The following DNAJC5B variants were observed in gnomAD, a reference collection of about 807,000 sequenced individuals.
The protein encoded by DNAJC5B is DnaJ heat shock protein family (Hsp40) member C5 beta, also known as dnaJ homolog subfamily C member 5B.
A neutral mutation model predicts 24.7 loss-of-function variants in DNAJC5B; 23 were observed. The observed-to-expected ratio is 0.93, with a 90% CI of 0.67 to 1.32. The LOEUF is 1.32. DNAJC5B is among the 40% of genes most tolerant of loss of function. The probability of loss-of-function intolerance (pLI) is 0.00; values close to 1 mark genes in which losing one functional copy is unlikely to be tolerated. For synonymous variants in DNAJC5B, 101 were observed against 90.1 expected (o/e 1.12, Z -0.68); for missense variants, 238 against 240.8 (o/e 0.99, Z 0.08).
rs1028480391 is a variant in DNAJC5B at position 66,040,003 on chromosome 8, A to C, written c.-141-3485A>C. Among the ~76,000 whole-genome samples, 3 of 152,224 alleles carry C rather than the reference A, an allele frequency of 2.0e-5. No homozygotes were observed. In the East Asian group the frequency reaches 5.8e-4, roughly 29 times the overall value. ...AAACGTTCTTAGTATAATTCTTGGC[A>C]CATCGTAGTAGACATTTCATAAAAG... On this transcript the variant is annotated intron_variant, in intron 1 of 5. Coordinates refer to ENST00000276570, the MANE Select transcript of DNAJC5B (RefSeq NM_033105.6).
upstream of DNAJC5B, among the ~76,000 whole-genome samples, chr8:66,019,871 G>A (rs1806064565): frequency 6.6e-6 from 1 of 152,196 alleles, no homozygotes; most frequent in Admixed American, 6.5e-5. Context: ...TCTCTTAGGA[G>A]AATTCACAGA....
At chr8:66,034,631 C>T (rs1235686804) in intron 1 of DNAJC5B, among the ~76,000 whole-genome samples, 1 of 151,428 alleles carries the variant, frequency 6.6e-6, no homozygotes, top group African/African-American at 2.4e-5. Flanking sequence ...GGAGGGCATC[C>T]AAGATCTGAC....
chr8:66,020,238 AATT>A (rs1423132182), upstream of DNAJC5B, among the ~76,000 whole-genome samples: 2 of 152,220 alleles, frequency 1.3e-5, no homozygotes, highest in African/African-American at 4.8e-5. Context: ...TCATCCAGAA[AATT>A]ATACTGAAAA....
chr8:66,076,794 C>T lies in DNAJC5B; in HGVS notation c.254C>T (p.Ser85Leu). 6.2e-7 allele frequency: 1 copy of T among 1,614,194 alleles called. No homozygotes were observed. The highest frequency in any genetic ancestry group is 8.5e-7 in the Non-Finnish European group (1 of 1,180,026). ...AGAAGCATATACGACAAGTACGGAT[C>T]GCTGGGACTCTACGTGGCCGAGCAG... is the stretch of plus-strand genomic sequence containing the variant. Reference protein sequence around the residue: ...SKRSIYDKYGSLGLYVAEQFG... With the variant: ...SKRSIYDKYGLLGLYVAEQFG... Residue 85 changes from serine (S) to leucine (L), a missense_variant, in exon 4 of 6, where the codon TCG becomes TTG. Physicochemically the swap from Ser to Leu is moderately radical, Grantham distance 145. Coordinates refer to ENST00000276570, the MANE Select transcript of DNAJC5B (RefSeq NM_033105.6).
chr8:66,033,962 T>A (rs998675930), intron 1 of DNAJC5B, among the ~76,000 whole-genome samples: 1 of 152,126 alleles, frequency 6.6e-6, no homozygotes. Flanking sequence ...ACGCTTGACC[T>A]GGGATGCTCA....
At chr8:66,049,722 C>G (rs898565741) in intron 2 of DNAJC5B, among the ~76,000 whole-genome samples, 3 of 152,190 alleles carry the variant, frequency 2.0e-5, no homozygotes, top group African/African-American at 7.2e-5. Context: ...AGTAGATTAT[C>G]TTCAGTAACC....
Position 66,077,409 on chromosome 8 carries a change from G to C in DNAJC5B, c.333+536G>C, listed in dbSNP as rs149593617. Reference sequence around the variant, plus strand: ...TTGGAGAGGCAGAGATGGGGACAGAGAGCAAAATGGATACCTAGTCAAGAA... The same window carrying C: ...TTGGAGAGGCAGAGATGGGGACAGACAGCAAAATGGATACCTAGTCAAGAA... On this transcript the variant is annotated intron_variant, in intron 4 of 5. Transcript: ENST00000276570. 8.8e-4 allele frequency among the ~76,000 whole-genome samples: 134 copies of C among 152,272 alleles called. 1 individual carries two copies. The highest frequency in any genetic ancestry group is 3.2e-3 in the African/African-American group (131 of 41,560).
chr8:66,050,772 C>T (rs555455716), intron 2 of DNAJC5B, among the ~76,000 whole-genome samples: 3 of 152,264 alleles, frequency 2.0e-5, no homozygotes, highest in East Asian at 1.9e-4. Flanking sequence ...GCCTAGATGG[C>T]CTCTAACTCT....
At chr8:66,054,203 G>T (rs982768739) in intron 3 of DNAJC5B, among the ~76,000 whole-genome samples, 1 of 152,004 alleles carries the variant, frequency 6.6e-6, no homozygotes, top group Non-Finnish European at 1.5e-5. Context: ...TAAATTTTCA[G>T]ATTTTAATCA....
chr8:66,020,741 G>A (rs536102541), upstream of DNAJC5B, among the ~76,000 whole-genome samples: 1 of 151,838 alleles, frequency 6.6e-6, no homozygotes, highest in Admixed American at 6.6e-5. Flanking sequence ...GGGTTTAAGC[G>A]ATCATCCCCT....
chr8:66,076,450 G>C (rs191520882), intron 3 of DNAJC5B, among the ~76,000 whole-genome samples: 1 of 152,284 alleles, frequency 6.6e-6, no homozygotes, highest in African/African-American at 2.4e-5. Flanking sequence ...GGAAATGTGA[G>C]AGGAGAAATA....
At chr8:66,035,302 C>A (rs1346869558) in intron 1 of DNAJC5B, among the ~76,000 whole-genome samples, 1 of 152,202 alleles carries the variant, frequency 6.6e-6, no homozygotes, top group African/African-American at 2.4e-5. Context: ...ACTGAATGTG[C>A]TGCGCCTGTA....
At chr8:66,040,791 A>G (rs1806591095) in intron 1 of DNAJC5B, among the ~76,000 whole-genome samples, 2 of 152,250 alleles carry the variant, frequency 1.3e-5, no homozygotes, top group Non-Finnish European at 2.9e-5. Flanking sequence ...AGAGAGAGTT[A>G]TAAATAGTTC....
chr8:66,098,319 T>A (rs1807998791), intron 5 of DNAJC5B, among the ~76,000 whole-genome samples: 1 of 152,148 alleles, frequency 6.6e-6, no homozygotes, highest in African/African-American at 2.4e-5. Context: ...TCTCCTTGCC[T>A]CAGCCTCCTG....
At chr8:66,079,598 A>G (rs1380366603) in intron 4 of DNAJC5B, among the ~76,000 whole-genome samples, 2 of 152,246 alleles carry the variant, frequency 1.3e-5, no homozygotes, top group Non-Finnish European at 1.5e-5. Context: ...ATGAAAGGCA[A>G]GAACAGGGCT....
intron 1 of DNAJC5B, among the ~76,000 whole-genome samples, chr8:66,033,380 T>A (rs559401784): frequency 9.9e-5 from 15 of 152,206 alleles, no homozygotes; most frequent in Non-Finnish European, 2.9e-5. Context: ...GGGAAAGAGC[T>A]GAGATTCCTA....
intron 5 of DNAJC5B, among the ~76,000 whole-genome samples, chr8:66,098,834 A>C (rs563369576): frequency 1.5e-4 from 23 of 152,020 alleles, no homozygotes; most frequent in African/African-American, 5.5e-4. Context: ...ATTTTACTTA[A>C]TTTATTTAAT....
At chr8:66,055,729 G>A (rs953819955) in intron 3 of DNAJC5B, among the ~76,000 whole-genome samples, 5 of 152,126 alleles carry the variant, frequency 3.3e-5, no homozygotes, top group African/African-American at 9.7e-5. Context: ...GATCACTTGA[G>A]GTCAGGAGTT....
rs1230054079 is a variant in DNAJC5B at position 66,100,640 on chromosome 8, T to C, written c.*609T>C. 1 of 152,162 alleles carries C rather than the reference T, an allele frequency of 6.6e-6. No homozygotes were observed. The highest frequency in any genetic ancestry group is 1.5e-5 in the Non-Finnish European group (1 of 68,026). 9.4% of individuals were successfully genotyped at this position (152,162 alleles called of 1,614,324 possible). ...AACAGGTTTTGTGTGTACTTTTAGATTGGCTTAAAAACAAAACAAAACAAA... is the reference window on the plus strand; with the variant it reads ...AACAGGTTTTGTGTGTACTTTTAGACTGGCTTAAAAACAAAACAAAACAAA... On this transcript the variant is annotated 3_prime_UTR_variant, in exon 6 of 6. Transcript: ENST00000276570.
Sources: gnomAD v4.1 joint callset for allele counts (sites outside exome capture counted in the v4.1 genomes callset) on GRCh38, gnomAD v4.1.1 for gene constraint, MANE v1.5 for transcripts, NCBI Gene and HGNC (gene_info 2026-07-23, HGNC 2026-07-21) for gene names.